Variants in ELF2 observed in about 807,000 individuals in gnomAD.
ELF2 encodes ETS-related transcription factor Elf-2.
ELF2 carries 11 observed loss-of-function variants against 54.8 expected under a neutral mutation model. The ratio of observed to expected loss-of-function variants is 0.20; its 90% CI spans 0.13 to 0.33. ELF2 has a LOEUF of 0.33. ELF2 is among the 10% of genes least tolerant of loss of function. The pLI, the probability that ELF2 is intolerant of heterozygous loss-of-function variation, is 1.00. For missense variants in ELF2, 513 were observed against 703.0 expected, an observed-to-expected ratio of 0.73 and a Z score of 3.06; for synonymous variants, 203 against 245.1, an observed-to-expected ratio of 0.83 and a Z score of 1.61.
At chr4:139,123,251 C>T (rs1736580331) in intron 4 of ELF2, among the ~76,000 whole-genome samples, 1 of 151,444 alleles carries the variant, frequency 6.6e-6, no homozygotes, top group African/African-American at 2.4e-5. Flanking sequence ...GCTTTTATAC[C>T]ATTTTAGAAT....
At chr4:139,060,230 G>C (rs1727628811) in intron 9 of ELF2, 94 bp downstream of exon 9, 2 of 1,147,642 alleles carry the variant, frequency 1.7e-6, no homozygotes, top group Admixed American at 5.8e-5. Flanking sequence ...TGGGTTCTTA[G>C]AACACTAATA....
chr4:139,166,360 C>T (rs1049754495), intron 1 of ELF2, among the ~76,000 whole-genome samples: 3 of 152,036 alleles, frequency 2.0e-5, no homozygotes, highest in Non-Finnish European at 2.9e-5. Context: ...GTACTCCAGC[C>T]TGGGTGACAG....
intron 4 of ELF2, among the ~76,000 whole-genome samples, chr4:139,076,743 CAT>C (rs1314621811): frequency 1.3e-5 from 2 of 152,012 alleles, no homozygotes; most frequent in Non-Finnish European, 2.9e-5. Flanking sequence ...TGAATTCTTA[CAT>C]AGTTTGAGGC....
At chr4:139,146,231 G>A (rs775823297) in intron 1 of ELF2, among the ~76,000 whole-genome samples, 18 of 152,056 alleles carry the variant, frequency 1.2e-4, no homozygotes, top group Non-Finnish European at 2.1e-4. Flanking sequence ...ATACAACAAC[G>A]ACCAAGCTGA....
intron 8 of ELF2, among the ~76,000 whole-genome samples, chr4:139,061,552 A>T (rs1727860616): frequency 6.6e-6 from 1 of 152,190 alleles, no homozygotes; most frequent in Admixed American, 6.5e-5. Context: ...TAAAAAACAA[A>T]CTAACTTTAG....
chr4:139,060,244 A>G, intron 9 of ELF2, 80 bp downstream of exon 9: 4 of 1,299,868 alleles, frequency 3.1e-6, no homozygotes, highest in Middle Eastern at 2.8e-4. Context: ...ACTAATATTA[A>G]GCAAAAGGAC....
rs1049505839 is a variant in ELF2 at position 139,116,643 on chromosome 4, A to T, written c.238+8521T>A. 26 of 983,890 alleles carry T rather than the reference A, an allele frequency of 2.6e-5. No homozygotes were observed. The African/African-American group carries it at 4.5e-4, about 17-fold the overall frequency. The allele number at this position is 983,890 out of a possible 1,614,324, so 60.9% of individuals were successfully genotyped here. ...AACATTCTTAATAAATTAAAAACCA[A>T]CCTACCAGCATTGTCTTCCTTCTGG... On this transcript the variant is annotated intron_variant, in intron 4 of 9. Coordinates refer to ENST00000686138, the MANE Select transcript of ELF2 (RefSeq NM_001331036.3).
chr4:139,070,831 C>T (rs940509796), intron 6 of ELF2, among the ~76,000 whole-genome samples: 2 of 152,130 alleles, frequency 1.3e-5, no homozygotes, highest in African/African-American at 4.8e-5. Context: ...ATCTCCCTTA[C>T]AACAATGACC....
chr4:139,164,371 C>T (rs1741512214), intron 1 of ELF2, among the ~76,000 whole-genome samples: 1 of 152,206 alleles, frequency 6.6e-6, no homozygotes, highest in Non-Finnish European at 1.5e-5. Context: ...CACGGTGGCT[C>T]ACGCCTGTAG....
At chr4:139,089,603 A>C (rs1438698607) in intron 4 of ELF2, among the ~76,000 whole-genome samples, 1 of 152,204 alleles carries the variant, frequency 6.6e-6, no homozygotes, top group African/African-American at 2.4e-5. Flanking sequence ...CTCTAGGTAC[A>C]TAAATGTCAT....
At chr4:139,079,404 A>G (rs143399950) in intron 4 of ELF2, among the ~76,000 whole-genome samples, 61 of 152,350 alleles carry the variant, frequency 4.0e-4, no homozygotes, top group Non-Finnish European at 7.9e-4. Context: ...TGAAAGTGAC[A>G]AGGCAAATAA....
intron 1 of ELF2, among the ~76,000 whole-genome samples, chr4:139,172,889 G>A (rs1308296370): frequency 1.0e-5 from 1 of 95,648 alleles, no homozygotes; most frequent in African/African-American, 3.6e-5. Context: ...TAACGGGGGG[G>A]GGGGGGGGGG....
chr4:139,177,380 G>C (rs375760329), upstream of ELF2, among the ~76,000 whole-genome samples: 9 of 151,960 alleles, frequency 5.9e-5, no homozygotes, highest in East Asian at 1.8e-3. Context: ...GGGGGGCGGG[G>C]GCGGCACCGC....
intron 1 of ELF2, among the ~76,000 whole-genome samples, chr4:139,151,064 G>GAAAGAAAGAAAGAAAGAAAGAAAGAAAGA: frequency 7.1e-6 from 1 of 141,468 alleles, no homozygotes; most frequent in African/African-American, 2.7e-5. Flanking sequence ...AAGAAAGAAA[G>GAAAGAAAGAAAGAAAGAAAGAAAGAAAGA]AAAGAAAGAA....
chr4:139,090,965 A>G (rs1284888129), intron 4 of ELF2, among the ~76,000 whole-genome samples: 1 of 151,756 alleles, frequency 6.6e-6, no homozygotes, highest in Non-Finnish European at 1.5e-5. Flanking sequence ...ATGGAGTCTC[A>G]CTCTGTCGCC....
At chr4:139,159,053 TG>T (rs1740833005) in intron 1 of ELF2, among the ~76,000 whole-genome samples, 1 of 152,188 alleles carries the variant, frequency 6.6e-6, no homozygotes, top group Admixed American at 6.5e-5. Flanking sequence ...CGAGGAATTA[TG>T]TCTGACAGAA....
chr4:139,169,549 C>T (rs1435813223), intron 1 of ELF2, among the ~76,000 whole-genome samples: 1 of 151,970 alleles, frequency 6.6e-6, no homozygotes, highest in Non-Finnish European at 1.5e-5. Context: ...TGTAATCTTC[C>T]TCATTTTTCC....
chr4:139,160,914 G>C (rs1283102872), intron 1 of ELF2, among the ~76,000 whole-genome samples: 1 of 152,152 alleles, frequency 6.6e-6, no homozygotes, highest in East Asian at 1.9e-4. Flanking sequence ...AGTGAGCTGA[G>C]ACAGTGCCAC....
chr4:139,073,629 A>G, intron 4 of ELF2, 62 bp from the exon 5 acceptor site: 1 of 896,980 alleles, frequency 1.1e-6, no homozygotes, highest in Non-Finnish European at 1.6e-6. Context: ...AAAACATATT[A>G]CTAAGAAATA....
Sources: allele counts gnomAD v4.1 joint callset (sites outside exome capture counted in the v4.1 genomes callset), GRCh38; gene constraint gnomAD v4.1.1; transcripts MANE v1.5; gene names NCBI Gene and HGNC (gene_info 2026-07-23, HGNC 2026-07-21).